CCDC63: variants seen among roughly 807,000 people sequenced by gnomAD.
The protein encoded by CCDC63 is coiled-coil domain containing 63.
A neutral mutation model predicts 63.6 loss-of-function variants in CCDC63; 54 were observed. That is an observed-to-expected ratio of 0.85 (90% CI 0.68 to 1.07). The LOEUF (loss-of-function observed/expected upper bound fraction) is 1.07, where lower values mean the gene tolerates loss of function less well. Ranked by LOEUF, CCDC63 falls within the 50% of genes least tolerant of loss-of-function variation. The pLI is 0.00. For synonymous variants in CCDC63, 253 were observed against 266.1 expected, an observed-to-expected ratio of 0.95 and a Z score of 0.48; for missense variants, 637 against 689.6, an observed-to-expected ratio of 0.92 and a Z score of 0.86.
intron 4 of CCDC63, among the ~76,000 whole-genome samples, chr12:110,859,557 C>T (rs1185165879): frequency 6.6e-6 from 1 of 152,020 alleles, no homozygotes; most frequent in African/African-American, 2.4e-5. Flanking sequence ...CTTCCCGCCT[C>T]GGCCTCCCAA....
In CCDC63 at chr12:110,852,923, T is replaced by C; in HGVS notation, c.-32T>C. 6 of 1,614,134 alleles carry C rather than the reference T, an allele frequency of 3.7e-6. No individual in the cohort carries two copies. Among genetic ancestry groups the C allele is most frequent in the Non-Finnish European group, 5.1e-6 (6 of 1,180,016 alleles). Reference sequence around the variant, plus strand: ...GGCTTTGAGCTCTCTGGGTACAGTGTCTGAGTGGAGGCAAAGTGCGGTTCC... The same window carrying C: ...GGCTTTGAGCTCTCTGGGTACAGTGCCTGAGTGGAGGCAAAGTGCGGTTCC... On this transcript the variant is annotated 5_prime_UTR_variant, in exon 2 of 12. Transcript: ENST00000308208.
At chr12:110,870,779 C>T (rs2136678819) in intron 4 of CCDC63, among the ~76,000 whole-genome samples, 1 of 152,288 alleles carries the variant, frequency 6.6e-6, no homozygotes, top group Non-Finnish European at 1.5e-5. Flanking sequence ...TCCCTTGCCT[C>T]TTTTATTTCA....
intron 5 of CCDC63, among the ~76,000 whole-genome samples, chr12:110,878,689 T>C (rs1200863671): frequency 6.6e-6 from 1 of 152,236 alleles, no homozygotes; most frequent in Non-Finnish European, 1.5e-5. Context: ...TGAATAATGC[T>C]GCAGTGAATG....
intron 5 of CCDC63, among the ~76,000 whole-genome samples, chr12:110,879,020 T>C (rs1472137760): frequency 6.6e-6 from 1 of 152,232 alleles, no homozygotes; most frequent in African/African-American, 2.4e-5. Flanking sequence ...ATTTTTCCCC[T>C]GAAGTATTTA....
chr12:110,863,764 C>G (rs2136662266), intron 4 of CCDC63, among the ~76,000 whole-genome samples: 1 of 152,312 alleles, frequency 6.6e-6, no homozygotes. Flanking sequence ...TAGTATTGAA[C>G]TCCTGACCTC....
At chr12:110,865,126 G>A (rs140892605) in intron 4 of CCDC63, among the ~76,000 whole-genome samples, 3 of 152,284 alleles carry the variant, frequency 2.0e-5, no homozygotes, top group Non-Finnish European at 4.4e-5. Flanking sequence ...TACATCACAG[G>A]CAGAGGGGGT....
At chr12:110,904,080 G>A (rs2071525843) in intron 10 of CCDC63, among the ~76,000 whole-genome samples, 1 of 152,176 alleles carries the variant, frequency 6.6e-6, no homozygotes, top group Non-Finnish European at 1.5e-5. Context: ...CAGAAGCCAG[G>A]CACGATGGCT....
At chr12:110,850,508 G>A (rs751371122) in intron 1 of CCDC63, among the ~76,000 whole-genome samples, 1 of 152,204 alleles carries the variant, frequency 6.6e-6, no homozygotes, top group Non-Finnish European at 1.5e-5. Flanking sequence ...TTGGGAGGCC[G>A]AGGTGGGCGG....
At chr12:110,850,546 A>G (rs966196108) in intron 1 of CCDC63, among the ~76,000 whole-genome samples, 3 of 152,232 alleles carry the variant, frequency 2.0e-5, no homozygotes, top group Non-Finnish European at 2.9e-5. Context: ...ATTCGAGACC[A>G]GCCTGACCAA....
At chr12:110,876,614 C>T (rs73421341) in intron 5 of CCDC63, among the ~76,000 whole-genome samples, 2,515 of 152,170 alleles carry the variant, frequency 0.017, 74 homozygotes, top group African/African-American at 0.058. Context: ...TTAGAACATA[C>T]TTTGAAAACC....
intron 10 of CCDC63, 50 bp from the exon 11 acceptor site, chr12:110,904,538 C>A (rs947284353): frequency 7.7e-6 from 12 of 1,563,572 alleles, no homozygotes; most frequent in Non-Finnish European, 1.1e-5. Context: ...ACAGTGCCCC[C>A]AGGCCCAGGT....
chr12:110,900,451 T>C (rs2071471923), intron 10 of CCDC63, among the ~76,000 whole-genome samples: 1 of 152,172 alleles, frequency 6.6e-6, no homozygotes, highest in Non-Finnish European at 1.5e-5. Context: ...CTCAGAGTAG[T>C]GCCTGGCATG....
intron 8 of CCDC63, among the ~76,000 whole-genome samples, chr12:110,891,596 C>A (rs1258931555): frequency 7.4e-6 from 1 of 134,788 alleles, no homozygotes; most frequent in Non-Finnish European, 1.5e-5. Context: ...GATTATGCCA[C>A]AGCACTTCAG....
At position 110,872,103 on chromosome 12, in the gene CCDC63, C is replaced by G. The variant is rs548713277; in HGVS notation, c.370-1739C>G. 3.1e-4 allele frequency among the ~76,000 whole-genome samples: 47 copies of G among 152,170 alleles called. 2 individuals are homozygous for G. Among genetic ancestry groups the G allele is most frequent in the South Asian group, 4.2e-4 (2 of 4,816 alleles). On this transcript the variant is annotated intron_variant, in intron 4 of 11. Coordinates refer to ENST00000308208, the MANE Select transcript of CCDC63 (RefSeq NM_152591.3). ...ATATTTATTTTGATACGTGAATGTC[C>G]TCATCTGACTTACCTAGAACAGGGC...
At position 110,904,751 on chromosome 12, in the gene CCDC63, A is replaced by T. The variant is rs1274984869; in HGVS notation, c.1506A>T (p.Pro502=). The change falls in exon 11 of 12, where the codon CCA becomes CCT. Residue 502 remains proline, a synonymous_variant. Coordinates refer to ENST00000308208, the MANE Select transcript of CCDC63 (RefSeq NM_152591.3). ...KPPEPIKVIP[P]VLGADPFSDR... is the part of the protein sequence containing the mutation. ...CAGAACCCATCAAAGTCATCCCCCC[A>T]GTGCTGGGGGCTGACCCCTTCAGCG... 6.2e-7 allele frequency: 1 copy of T among 1,613,754 alleles called. No individual in the cohort carries two copies. The highest frequency in any genetic ancestry group is 8.5e-7 in the Non-Finnish European group (1 of 1,179,868).
chr12:110,854,293 C>CTT (rs34749124), intron 3 of CCDC63, among the ~76,000 whole-genome samples: 53,472 of 101,460 alleles, frequency 0.53, 14,555 homozygotes, highest in Non-Finnish European at 0.61. Flanking sequence ...TTTCTTTTCT[C>CTT]TTTTTTTTTT....
At chr12:110,852,648 T>C (rs1251513579) in intron 1 of CCDC63, among the ~76,000 whole-genome samples, 2 of 152,032 alleles carry the variant, frequency 1.3e-5, no homozygotes, top group Non-Finnish European at 2.9e-5. Flanking sequence ...CTCCTAATAA[T>C]AAATGGTGAG....
chr12:110,877,183 C>T (rs2071141826), intron 5 of CCDC63, among the ~76,000 whole-genome samples: 1 of 151,606 alleles, frequency 6.6e-6, no homozygotes, highest in Non-Finnish European at 1.5e-5. Flanking sequence ...CTAAAATCTG[C>T]ACATTAGCAG....
At chr12:110,880,362 T>C (rs1566129096) in intron 6 of CCDC63, among the ~76,000 whole-genome samples, 1 of 152,170 alleles carries the variant, frequency 6.6e-6, no homozygotes, top group Non-Finnish European at 1.5e-5. Context: ...CTACCTGAGA[T>C]CCAGGTAAGT....
Sources: allele counts gnomAD v4.1 joint callset (sites outside exome capture counted in the v4.1 genomes callset), GRCh38; gene constraint gnomAD v4.1.1; transcripts MANE v1.5; gene names NCBI Gene and HGNC (gene_info 2026-07-23, HGNC 2026-07-21).